CD164: variants seen among roughly 807,000 people sequenced by gnomAD.
CD164 encodes CD164 molecule.
CD164 carries 11 observed loss-of-function variants against 24.6 expected under a neutral mutation model. That is an observed-to-expected ratio of 0.45 (90% CI 0.28 to 0.74). The LOEUF is 0.74. Among genes scored for constraint, CD164 ranks in the 30% least tolerant of loss-of-function variants. The probability of loss-of-function intolerance (pLI) is 0.13; values close to 1 mark genes in which losing one functional copy is unlikely to be tolerated. For synonymous variants in CD164, 126 were observed against 100.3 expected, an observed-to-expected ratio of 1.26 and a Z score of -1.53; for missense variants, 295 against 243.7, an observed-to-expected ratio of 1.21 and a Z score of -1.40.
intron 4 of CD164, chr6:109,375,833 T>C (rs915619711): frequency 3.3e-5 from 14 of 420,624 alleles, no homozygotes; most frequent in Non-Finnish European, 5.0e-5. Flanking sequence ...AAGTACTTTA[T>C]AGACTCAATG....
chr6:109,379,759 T>G lies in CD164; in HGVS notation c.176-97A>C, dbSNP rs1771631267. 7.2e-6 allele frequency: 6 copies of G among 837,626 alleles called. No homozygotes were observed. The South Asian group carries it at 9.5e-5, about 13-fold the overall frequency. 51.9% of individuals were successfully genotyped at this position (837,626 alleles called of 1,614,324 possible). A position where few individuals can be genotyped will look rare whatever the true frequency, so the allele number is the denominator to read the frequency against. On this transcript the variant is annotated intron_variant, in intron 1 of 5. Transcript: ENST00000310786. ...ATCTTTTTGAACAATAAGCATTACATACAGCATCAAAATTACTAATTCAGA... is the reference window on the plus strand; with the variant it reads ...ATCTTTTTGAACAATAAGCATTACAGACAGCATCAAAATTACTAATTCAGA...
chr6:109,377,833 TTTCTGAGGCAATGATC>T (rs1360503959), intron 3 of CD164, 51 bp downstream of exon 3: 2 of 1,153,742 alleles, frequency 1.7e-6, no homozygotes, highest in Non-Finnish European at 2.6e-6. Flanking sequence ...GAAACAAGGC[TTTCTGAGGCAATGATC>T]TTCCTCACCT....
intron 2 of CD164, among the ~76,000 whole-genome samples, chr6:109,378,801 AG>A (rs1562242793): frequency 6.6e-6 from 1 of 152,146 alleles, no homozygotes; most frequent in Non-Finnish European, 1.5e-5. Context: ...AATACCTTAA[AG>A]AGCTTTTTGA....
intron 5 of CD164, among the ~76,000 whole-genome samples, chr6:109,370,109 A>G (rs975822612): frequency 6.6e-6 from 1 of 152,220 alleles, no homozygotes; most frequent in African/African-American, 2.4e-5. Context: ...CCTAACGGTA[A>G]TCAGAAGTTA....
At chr6:109,375,765 A>G (rs1771366865) in intron 4 of CD164, 1 of 272,178 alleles carries the variant, frequency 3.7e-6, no homozygotes, top group South Asian at 1.2e-4. Context: ...CTGGATGATG[A>G]GAATTATAAT....
intron 1 of CD164, chr6:109,380,617 T>C (rs975106157): frequency 1.3e-5 from 2 of 152,246 alleles, no homozygotes; most frequent in African/African-American, 4.8e-5. Context: ...AACATGCTGT[T>C]TAAAAACCTT....
intron 1 of CD164, 127 bp from the exon 2 acceptor site, chr6:109,379,789 TG>T: frequency 6.0e-6 from 4 of 661,234 alleles, no homozygotes; most frequent in Middle Eastern, 3.5e-4. Flanking sequence ...TTCAGATAAA[TG>T]ATAAAACTTT....
At chr6:109,375,002 C>CGTTT (rs1771313754) in intron 4 of CD164, among the ~76,000 whole-genome samples, 1 of 152,144 alleles carries the variant, frequency 6.6e-6, no homozygotes, top group Admixed American at 6.6e-5. Context: ...GGAATAGACG[C>CGTTT]ATTTAATATT....
chr6:109,378,829 T>C (rs1771569675), intron 2 of CD164, among the ~76,000 whole-genome samples: 1 of 152,168 alleles, frequency 6.6e-6, no homozygotes, highest in African/African-American at 2.4e-5. Flanking sequence ...TGTAGTGATA[T>C]AATTTCTAGA....
At chr6:109,379,274 A>C (rs929369453) in intron 2 of CD164, among the ~76,000 whole-genome samples, 2 of 151,344 alleles carry the variant, frequency 1.3e-5, no homozygotes, top group African/African-American at 4.8e-5. Context: ...AGGGAGGCCA[A>C]GGTTGGAGGA....
chr6:109,375,504 C>T (rs1305208425), intron 4 of CD164, among the ~76,000 whole-genome samples: 3 of 151,486 alleles, frequency 2.0e-5, no homozygotes, highest in African/African-American at 7.3e-5. Context: ...GTAATCCCAG[C>T]GACTCAGGAG....
At chr6:109,379,549 A>G in intron 2 of CD164, 30 bp downstream of exon 2, 2 of 1,480,156 alleles carry the variant, frequency 1.4e-6, no homozygotes, top group Non-Finnish European at 9.4e-7. Flanking sequence ...TGCTATAACA[A>G]AACAGTTTTG....
Position 109,373,554 on chromosome 6 carries a change from G to C in CD164, c.370+2520C>G, listed in dbSNP as rs534995299. Among the ~76,000 whole-genome samples, 6 of 152,268 alleles carry C rather than the reference G, an allele frequency of 3.9e-5. No individual in the cohort carries two copies. In the South Asian group the frequency reaches 1.2e-3, roughly 32 times the overall value. ...AAAAGACTCATGGCAATTCACAGGA[G>C]GACCCAGGGTGGAGAAAGCTGCAGA... On this transcript the variant is annotated intron_variant, in intron 4 of 5. Coordinates refer to ENST00000310786, the MANE Select transcript of CD164 (RefSeq NM_006016.6).
rs1001232786 is a variant in CD164 at position 109,367,065 on chromosome 6, A to G, written c.*1786T>C. ...TCGAATTAATCCTACAGCACTCACT[A>G]AAAACTAACAGCCATGGCACCATAA... On this transcript the variant is annotated 3_prime_UTR_variant, in exon 6 of 6. Transcript: ENST00000310786. 1 of 152,570 alleles carries G rather than the reference A, an allele frequency of 6.6e-6. No individual in the cohort carries two copies. Among genetic ancestry groups the G allele is most frequent in the African/African-American group, 2.4e-5 (1 of 41,458 alleles). 9.5% of individuals were successfully genotyped at this position (152,570 alleles called of 1,614,324 possible).
chr6:109,368,018 T>G lies in CD164; in HGVS notation c.*833A>C. 3.4e-6 allele frequency: 1 copy of G among 290,730 alleles called. No homozygotes were observed. Among genetic ancestry groups the G allele is most frequent in the Non-Finnish European group, 6.4e-6 (1 of 157,240 alleles). 18.0% of individuals were successfully genotyped at this position (290,730 alleles called of 1,614,324 possible). A position where few individuals can be genotyped will look rare whatever the true frequency, so the allele number is the denominator to read the frequency against. On this transcript the variant is annotated 3_prime_UTR_variant, in exon 6 of 6. Coordinates refer to ENST00000310786, the MANE Select transcript of CD164 (RefSeq NM_006016.6). ...GCTTTCAATTCTGTATAACAGACTTTAGCTTAAGTTTCTCCGCTCTGAAAT... is the reference window on the plus strand; with the variant it reads ...GCTTTCAATTCTGTATAACAGACTTGAGCTTAAGTTTCTCCGCTCTGAAAT...
rs1770830587 is a variant in CD164, at chr6:109,367,559, A to C, written c.*1292T>G. ...TCTAAAGGAGAAAACTATAGAAGTT[A>C]AAGTATGCATGCTTATTATACTATG... On this transcript the variant is annotated 3_prime_UTR_variant, in exon 6 of 6. Transcript: ENST00000310786. 6.6e-6 allele frequency: 1 copy of C among 152,616 alleles called. No individual in the cohort carries two copies. Among genetic ancestry groups the C allele is most frequent in the Non-Finnish European group, 1.5e-5 (1 of 68,006 alleles). The allele number at this position is 152,616 out of a possible 1,614,324, so 9.5% of individuals were successfully genotyped here.
Position 109,366,751 on chromosome 6 carries a change from T to G in CD164, c.*2100A>C, listed in dbSNP as rs930829040. The G allele has an allele frequency of 2.0e-5, 3 of 152,540 alleles. No individual in the cohort carries two copies. Among genetic ancestry groups the G allele is most frequent in the Non-Finnish European group, 4.4e-5 (3 of 68,014 alleles). The allele number at this position is 152,540 out of a possible 1,614,324, so 9.4% of individuals were successfully genotyped here. A position where few individuals can be genotyped will look rare whatever the true frequency, so the allele number is the denominator to read the frequency against. ...CTGGATTTTAAAAAAACCCAAAAATTAATGGCTCAAGATACTACATTGCTA... is the reference window on the plus strand; with the variant it reads ...CTGGATTTTAAAAAAACCCAAAAATGAATGGCTCAAGATACTACATTGCTA... On this transcript the variant is annotated 3_prime_UTR_variant, in exon 6 of 6. Transcript: ENST00000310786.
Position 109,368,893 on chromosome 6 carries a change from A to G in CD164, c.552T>C (p.Tyr184=), listed in dbSNP as rs371897159. The part of the protein sequence containing the change: ...LGVQAVIFFL[Y]KFCKSKERNY... ...TTCGTTCTTTAGATTTGCAGAATTT[A>G]TAAAGAAAGAAAATTACAGCCTGCA... Residue 184 remains tyrosine (Y), a synonymous_variant, in exon 6 of 6, where the codon TAT becomes TAC. Transcript: ENST00000310786. 6.8e-6 allele frequency: 11 copies of G among 1,613,304 alleles called. No individual in the cohort carries two copies. The African/African-American group carries it at 1.5e-4, about 22-fold the overall frequency.
Position 109,379,571 on chromosome 6 carries a change from T to G in CD164, c.259+8A>C, listed in dbSNP as rs370747405. On this transcript the variant is annotated splice_region_variant and intron_variant, in intron 2 of 5. Coordinates refer to ENST00000310786, the MANE Select transcript of CD164 (RefSeq NM_006016.6). Reference sequence around the variant, plus strand: ...ACAAAACAGTTTTGCATCCCCAAAGTTTCTTACCTTTACATTCTATCCAAA... The same window carrying G: ...ACAAAACAGTTTTGCATCCCCAAAGGTTCTTACCTTTACATTCTATCCAAA... 1.0e-4 allele frequency: 159 copies of G among 1,597,874 alleles called. No homozygotes were observed. The highest frequency in any genetic ancestry group is 1.2e-4 in the Non-Finnish European group (146 of 1,171,180).
Sources: allele counts gnomAD v4.1 joint callset (sites outside exome capture counted in the v4.1 genomes callset), GRCh38; gene constraint gnomAD v4.1.1; transcripts MANE v1.5; gene names NCBI Gene and HGNC (gene_info 2026-07-23, HGNC 2026-07-21).